SCN9A: variants seen among roughly 807,000 people sequenced by gnomAD.
The protein encoded by SCN9A is sodium channel protein type 9 subunit alpha.
A neutral mutation model predicts 187.0 loss-of-function variants in SCN9A; 131 were observed. That is an observed-to-expected ratio of 0.70 (90% CI 0.61 to 0.81). The LOEUF is 0.81. Among genes scored for constraint, SCN9A ranks in the 30% least tolerant of loss-of-function variants. The pLI, the probability that SCN9A is intolerant of heterozygous loss-of-function variation, is 0.00. For synonymous variants in SCN9A, 809 were observed against 808.6 expected (o/e 1.00, Z -0.01); for missense variants, 2,252 against 2,396.6 (o/e 0.94, Z 1.26).
At chr2:166,301,151 A>AAT (rs1392942426) in intron 7 of SCN9A, 1 of 149,900 alleles carries the variant, frequency 6.7e-6, no homozygotes, top group African/African-American at 2.5e-5. Flanking sequence ...AAAAAAAAAA[A>AAT]ATACATGAAG....
Position 166,288,607 on chromosome 2 carries a change from A to T in SCN9A, c.1144T>A (p.Phe382Ile). 1 of 1,610,906 alleles carries T rather than the reference A, an allele frequency of 6.2e-7. No individual in the cohort carries two copies. The highest frequency in any genetic ancestry group is 8.5e-7 in the Non-Finnish European group (1 of 1,177,974). ...RAAGKTYMIF[F>I]VVVIFLGSFY... Reference sequence around the variant, plus strand: ...GAGCCCAGGAAAATCACTACGACAAAGAAGATCATGTAGGTTTTGCCAGCA... The same window carrying T: ...GAGCCCAGGAAAATCACTACGACAATGAAGATCATGTAGGTTTTGCCAGCA... Residue 382 changes from phenylalanine to isoleucine, a missense_variant, in exon 10 of 27, where the codon TTT becomes ATT. Around this residue, in one of 7 missense-constraint regions of SCN9A, gnomAD observed 1,013 missense variants for 997.4 expected, o/e 1.02. Transcript: ENST00000642356.
intron 26 of SCN9A, among the ~76,000 whole-genome samples, chr2:166,200,412 A>AT (rs1240580048): frequency 1.3e-5 from 2 of 152,158 alleles, no homozygotes; most frequent in East Asian, 3.9e-4. Context: ...TTCATGGGCC[A>AT]TTTTTTCCCT....
At chr2:166,284,423 C>T (rs1441806683) in intron 12 of SCN9A, 30 bp downstream of exon 12, 2 of 1,571,306 alleles carry the variant, frequency 1.3e-6, no homozygotes. Context: ...AAGGGCCCAG[C>T]CATGCCTGAG....
chr2:166,307,214 G>A (rs555445641), intron 2 of SCN9A, 140 bp from the exon 3 acceptor site: 1 of 568,248 alleles, frequency 1.8e-6, no homozygotes, highest in African/African-American at 1.9e-5. Flanking sequence ...TGGTTCCAAT[G>A]TCATCAACGC....
At chr2:166,303,410 A>G in intron 6 of SCN9A, 108 bp from the exon 7 acceptor site, 1 of 837,566 alleles carries the variant, frequency 1.2e-6, no homozygotes. Flanking sequence ...CAATGACCTT[A>G]AGTAACCTAA....
rs1042253518 is a variant in SCN9A at position 166,294,614 on chromosome 2, A to G, written c.950T>C (p.Phe317Ser). The change falls in exon 8 of 27, where the codon TTC becomes TCC. Residue 317 changes from phenylalanine to serine, a missense_variant. Coordinates refer to ENST00000642356, the MANE Select transcript of SCN9A (RefSeq NM_001365536.1). The part of the protein sequence containing the change: ...EGSKDALLCG[F>S]STDSGQCPEG... The stretch of plus-strand genomic sequence containing the variant: ...TATTACATACCCTGAATCTGTGCTG[A>G]AACCACAAAGGAGAGCATCTTTGGA... 3 of 1,610,876 alleles carry G rather than the reference A, an allele frequency of 1.9e-6. No individual in the cohort carries two copies. The African/African-American group carries it at 4.0e-5, about 22-fold the overall frequency.
At chr2:166,373,310 CTCT>C (rs1165920849) in intron 1 of SCN9A, among the ~76,000 whole-genome samples, 2 of 132,012 alleles carry the variant, frequency 1.5e-5, no homozygotes, top group Non-Finnish European at 3.2e-5. Flanking sequence ...CTTCTTCTTC[CTCT>C]TTTTTTTTTT....
chr2:166,207,131 T>A (rs1284868375), intron 24 of SCN9A, among the ~76,000 whole-genome samples: 1 of 152,182 alleles, frequency 6.6e-6, no homozygotes, highest in African/African-American at 2.4e-5. Flanking sequence ...TCTACATTAG[T>A]CTATAATTTC....
chr2:166,240,746 G>A (rs558413465), intron 19 of SCN9A, among the ~76,000 whole-genome samples: 1 of 152,250 alleles, frequency 6.6e-6, no homozygotes, highest in South Asian at 2.1e-4. Context: ...GCAGGTTGTT[G>A]GGGAGTGTGC....
At chr2:166,268,343 A>G (rs1253760757) in intron 17 of SCN9A, among the ~76,000 whole-genome samples, 2 of 151,980 alleles carry the variant, frequency 1.3e-5, no homozygotes, top group East Asian at 3.9e-4. Context: ...ATTAGGAGTT[A>G]CTTTCTATTG....
At chr2:166,311,340 A>ATG (rs1487460776) in intron 2 of SCN9A, among the ~76,000 whole-genome samples, 159 bp downstream of exon 2, 5 of 62,854 alleles carry the variant, frequency 8.0e-5, no homozygotes, top group Admixed American at 7.6e-4. Flanking sequence ...CTATATATAT[A>ATG]TATATATATA....
At chr2:166,291,042 A>T (rs1484883164) in intron 9 of SCN9A, among the ~76,000 whole-genome samples, 2 of 152,228 alleles carry the variant, frequency 1.3e-5, no homozygotes, top group East Asian at 3.9e-4. Flanking sequence ...GCCCTCTCTC[A>T]CCACTGCTAT....
chr2:166,302,818 A>T (rs1436690588), intron 7 of SCN9A: 2 of 186,734 alleles, frequency 1.1e-5, no homozygotes, highest in African/African-American at 4.8e-5. Flanking sequence ...GGCTACATTT[A>T]TTTCTCTAGA....
chr2:166,208,229 C>T (rs776611212), intron 24 of SCN9A, among the ~76,000 whole-genome samples: 1 of 152,134 alleles, frequency 6.6e-6, no homozygotes, highest in Non-Finnish European at 1.5e-5. Context: ...GTAATAAAGA[C>T]TTCTTCACTT....
chr2:166,328,191 G>A (rs897036468), intron 1 of SCN9A, among the ~76,000 whole-genome samples: 35 of 152,064 alleles, frequency 2.3e-4, no homozygotes, highest in Admixed American at 2.2e-3. Flanking sequence ...TCCCAGTATT[G>A]GTTACATGGT....
intron 1 of SCN9A, among the ~76,000 whole-genome samples, chr2:166,326,106 T>C (rs1699356734): frequency 6.6e-6 from 1 of 152,120 alleles, no homozygotes. Flanking sequence ...GTTCTATGTC[T>C]TGGCACCAAG....
rs140369567 is a variant in SCN9A at position 166,218,977 on chromosome 2, A to G, written c.4398+7590T>C. Among the ~76,000 whole-genome samples, 482 of 152,356 alleles carry G rather than the reference A, an allele frequency of 3.2e-3. 3 individuals are homozygous for G. The highest frequency in any genetic ancestry group is 0.011 in the African/African-American group (468 of 41,584). On this transcript the variant is annotated intron_variant, in intron 24 of 26. Transcript: ENST00000642356. ...AGCATATGAAAAAAAGCTCAATGTC[A>G]CTGACCATTAGAGAAATGCAAATCA... is the stretch of plus-strand genomic sequence containing the variant.
Position 166,304,411 on chromosome 2 carries a change from C to T in SCN9A, c.597-82G>A, listed in dbSNP as rs186321392. On this transcript the variant is annotated intron_variant, in intron 5 of 26. Coordinates refer to ENST00000642356, the MANE Select transcript of SCN9A (RefSeq NM_001365536.1). ...GAGCCTTTAGTCAAGGTATTTTCTA[C>T]GTTTGGGGCTTCTATTTTAAATGTA... 8.4e-4 allele frequency: 986 copies of T among 1,176,378 alleles called. 1 individual carries two copies. Among genetic ancestry groups the T allele is most frequent in the Middle Eastern group, 4.2e-3 (15 of 3,540 alleles). The allele number at this position is 1,176,378 out of a possible 1,614,324, so 72.9% of individuals were successfully genotyped here. A position where few individuals can be genotyped will look rare whatever the true frequency, so the allele number is the denominator to read the frequency against.
rs543588977 is a variant in SCN9A at position 166,367,326 on chromosome 2, G to A, written c.-51+8371C>T. On this transcript the variant is annotated intron_variant, in intron 1 of 26. Transcript: ENST00000642356. ...TGCCCAGGCAGGAGTGCAGTGGCTC[G>A]ATCTCAGCTCACTGCAACCTCCATC... Among the ~76,000 whole-genome samples the A allele has an allele frequency of 9.2e-5, 14 of 152,072 alleles. No homozygotes were observed. The East Asian group carries it at 2.1e-3, about 23-fold the overall frequency.
Sources: gnomAD v4.1 joint callset for allele counts (sites outside exome capture counted in the v4.1 genomes callset) on GRCh38, gnomAD v4.1.1 for gene constraint, gnomAD v4.1.1 regional missense constraint, MANE v1.5 for transcripts, NCBI Gene and HGNC (gene_info 2026-07-23, HGNC 2026-07-21) for gene names.